The following PSG8 variants were observed in gnomAD, a reference collection of about 807,000 sequenced individuals.
PSG8 encodes the protein pregnancy-specific beta-1-glycoprotein 8.
Under a neutral mutation model 42.5 loss-of-function variants are expected in PSG8, and 57 were observed. That is an observed-to-expected ratio of 1.34 (90% CI 1.08 to 1.67). The LOEUF is 1.67. Among genes scored for constraint, PSG8 ranks in the 40% most tolerant of loss-of-function variants. PSG8 has a pLI of 0.00. For missense variants in PSG8, 783 were observed against 518.6 expected, an observed-to-expected ratio of 1.51 and a Z score of -4.95; for synonymous variants, 280 against 196.8, an observed-to-expected ratio of 1.42 and a Z score of -3.54.
intron 2 of PSG8, among the ~76,000 whole-genome samples, chr19:42,762,115 G>A (rs1232800355): frequency 6.6e-6 from 1 of 151,282 alleles, no homozygotes; most frequent in Non-Finnish European, 1.5e-5. Flanking sequence ...GAAGGGAACA[G>A]AACAGCCAGC....
At chr19:42,754,965 A>T (rs745771190) in intron 4 of PSG8, 23 bp downstream of exon 4, 6 of 1,597,560 alleles carry the variant, frequency 3.8e-6, no homozygotes, top group Non-Finnish European at 5.1e-6. Flanking sequence ...GTCCTGGCCC[A>T]CAGAGGAACA....
downstream of PSG8, chr19:42,753,904 C>G (rs1321127709): frequency 9.8e-6 from 5 of 509,954 alleles, no homozygotes; most frequent in East Asian, 5.3e-5. Context: ...CTGGGGCAGT[C>G]AGGTAGAAAG....
intron 1 of PSG8, among the ~76,000 whole-genome samples, chr19:42,764,546 T>C (rs1036225324): frequency 1.3e-5 from 2 of 152,018 alleles, no homozygotes; most frequent in African/African-American, 2.4e-5. Context: ...TTTTTCTGTT[T>C]GCAATCCTCT....
Position 42,764,051 on chromosome 19 carries a change from C to T in PSG8, c.295G>A (p.Glu99Lys). ...AGGGATGCATTGGAATATATTGTTT[C>T]TCGTCCACTGTATGCAGGCCCATAT... The part of the protein sequence containing the change: ...IIYGPAYSGR[E>K]TIYSNASLLI... Residue 99 changes from glutamate to lysine, a missense_variant, in exon 2 of 5, where the codon GAA (glutamate) becomes AAA (lysine). Transcript: ENST00000306511. The T allele has an allele frequency of 1.2e-6, 2 of 1,613,784 alleles. No homozygotes were observed. The highest frequency in any genetic ancestry group is 1.7e-6 in the Non-Finnish European group (2 of 1,179,870).
At position 42,758,033 on chromosome 19, in the gene PSG8, G is replaced by T. The variant is rs772973031; in HGVS notation, c.678C>A (p.Ser226Arg). 1.2e-5 allele frequency: 19 copies of T among 1,613,934 alleles called. No homozygotes were observed. Among genetic ancestry groups the T allele is most frequent in the Non-Finnish European group, 1.4e-5 (17 of 1,179,972 alleles). Residue 226 changes from serine to arginine, a missense_variant, in exon 3 of 5, where the codon AGC (serine) becomes AGA (arginine). Transcript: ENST00000306511. ...ECEIRNPVSA[S>R]RSDPFTLNLL... ...GATTCAGGGTGAATGGGTCACTGCGGCTGGCACTCACTGGGTTCCGTATTT... is the reference window on the plus strand; with the variant it reads ...GATTCAGGGTGAATGGGTCACTGCGTCTGGCACTCACTGGGTTCCGTATTT...
rs1300919358 is a variant in PSG8 at position 42,754,525 on chromosome 19, A to C, written c.1051T>G (p.Tyr351Asp). Residue 351 changes from tyrosine to aspartate, a missense_variant, in exon 5 of 5, where the codon TAC becomes GAC. Tyr to Asp is a radical substitution (Grantham distance 160, BLOSUM62 -3). Coordinates refer to ENST00000306511, the MANE Select transcript of PSG8 (RefSeq NM_182707.3). ...TTAGAGTCCGCAGAACAGGACAAGT[A>C]GAGGACTTCTCCTGAACGGTAATAG... ...FTYYRSGEVLYLSCSADSNPP... is the reference protein window; with the variant it reads ...FTYYRSGEVLDLSCSADSNPP... The C allele has an allele frequency of 4.3e-6, 7 of 1,613,882 alleles. No individual in the cohort carries two copies. In the East Asian group the frequency reaches 8.9e-5, roughly 21 times the overall value.
At chr19:42,756,639 C>T (rs929629015) in intron 3 of PSG8, among the ~76,000 whole-genome samples, 1 of 151,978 alleles carries the variant, frequency 6.6e-6, no homozygotes, top group Non-Finnish European at 1.5e-5. Context: ...TTTCTCTCAC[C>T]ACTTTTCTAG....
intron 2 of PSG8, among the ~76,000 whole-genome samples, chr19:42,762,245 C>A (rs1395722797): frequency 1.3e-5 from 2 of 151,898 alleles, no homozygotes; most frequent in Admixed American, 6.6e-5. Flanking sequence ...CAGAGAGAGG[C>A]AGAGACACCA....
intron 3 of PSG8, among the ~76,000 whole-genome samples, chr19:42,756,753 A>G (rs1455598994): frequency 1.3e-5 from 2 of 151,928 alleles, no homozygotes; most frequent in Non-Finnish European, 2.9e-5. Flanking sequence ...GCTATTTTCT[A>G]TGTCATCAGA....
At chr19:42,757,860 TG>T in intron 3 of PSG8, 141 bp downstream of exon 3, 1 of 1,583,660 alleles carries the variant, frequency 6.3e-7, no homozygotes, top group Non-Finnish European at 8.7e-7. Flanking sequence ...CTGGTTTGCC[TG>T]GGGCAGAAAG....
intron 3 of PSG8, 30 bp downstream of exon 3, chr19:42,757,972 C>G (rs775239731): frequency 4.8e-5 from 78 of 1,613,904 alleles, no homozygotes; most frequent in East Asian, 3.8e-4. Context: ...GGATGGCAGC[C>G]TGGCTCACAG....
chr19:42,759,287 A>G (rs1382292001), intron 2 of PSG8, among the ~76,000 whole-genome samples: 1 of 152,132 alleles, frequency 6.6e-6, no homozygotes, highest in Non-Finnish European at 1.5e-5. Context: ...TCCAGAGTGA[A>G]TCAGAGAGTA....
Position 42,754,307 on chromosome 19 carries a change from T to G in PSG8, c.1269A>C (p.Ala423=). ...VSGKRIPVSL[A]IGI is the part of the protein sequence containing the mutation. ...AGATAGACTCCACCTAAATCCCTAT[T>G]GCCAAGGATACTGGGATCCGCTTAC... Residue 423 remains alanine (A), a synonymous_variant, in exon 5 of 5, where the codon GCA becomes GCC. Coordinates refer to ENST00000306511, the MANE Select transcript of PSG8 (RefSeq NM_182707.3). The G allele has an allele frequency of 6.2e-7, 1 of 1,613,538 alleles. No individual in the cohort carries two copies. Among genetic ancestry groups the G allele is most frequent in the Non-Finnish European group, 8.5e-7 (1 of 1,179,694 alleles).
At chr19:42,762,579 G>T (rs1017368015) in intron 2 of PSG8, among the ~76,000 whole-genome samples, 1 of 151,990 alleles carries the variant, frequency 6.6e-6, no homozygotes, top group Non-Finnish European at 1.5e-5. Flanking sequence ...TGTCTGTCTC[G>T]CTGGGCCTGT....
At chr19:42,761,126 A>G (rs1279822676) in intron 2 of PSG8, among the ~76,000 whole-genome samples, 2 of 152,148 alleles carry the variant, frequency 1.3e-5, no homozygotes, top group African/African-American at 4.8e-5. Context: ...TGCAAAGATT[A>G]CAACAGTGAC....
downstream of PSG8, chr19:42,753,062 G>C (rs979847108): frequency 1.7e-6 from 1 of 590,058 alleles, no homozygotes; most frequent in African/African-American, 1.9e-5. Flanking sequence ...CATGAGCAAG[G>C]ACAGTTAAGA....
chr19:42,760,828 C>T (rs927844152), intron 2 of PSG8, among the ~76,000 whole-genome samples: 5 of 152,138 alleles, frequency 3.3e-5, no homozygotes, highest in Admixed American at 6.5e-5. Context: ...GTGCCCGCCT[C>T]GGCCTCCGAA....
chr19:42,761,076 A>G (rs1433931889), intron 2 of PSG8, among the ~76,000 whole-genome samples: 1 of 151,966 alleles, frequency 6.6e-6, no homozygotes, highest in African/African-American at 2.4e-5. Flanking sequence ...GGCTTTGGGG[A>G]CTGCAGGCCT....
At chr19:42,765,435 T>G in intron 1 of PSG8, 83 bp downstream of exon 1, 2 of 1,582,386 alleles carry the variant, frequency 1.3e-6, no homozygotes, top group Non-Finnish European at 8.6e-7. Context: ...CTTTCATTTT[T>G]TAGTACCCCA....
Sources: gnomAD v4.1 joint callset for allele counts (sites outside exome capture counted in the v4.1 genomes callset) on GRCh38, gnomAD v4.1.1 for gene constraint, MANE v1.5 for transcripts, NCBI Gene and HGNC (gene_info 2026-07-23, HGNC 2026-07-21) for gene names.